The following UNC45B variants were observed in gnomAD, a reference collection of about 807,000 sequenced individuals.
UNC45B encodes unc-45 myosin chaperone B, also known as protein unc-45 homolog B.
In UNC45B, 78 loss-of-function variants were observed where a neutral mutation model predicts 98.7. The observed-to-expected ratio is 0.79, with a 90% CI of 0.66 to 0.95. The LOEUF (loss-of-function observed/expected upper bound fraction) is 0.95, where lower values mean the gene tolerates loss of function less well. Ranked by LOEUF, UNC45B falls within the 40% of genes least tolerant of loss-of-function variation. The pLI, the probability that UNC45B is intolerant of heterozygous loss-of-function variation, is 0.00. For synonymous variants in UNC45B, 462 were observed against 480.4 expected, an observed-to-expected ratio of 0.96 and a Z score of 0.50; for missense variants, 1,225 against 1,184.9, an observed-to-expected ratio of 1.03 and a Z score of -0.50.
intron 18 of UNC45B, among the ~76,000 whole-genome samples, chr17:35,182,126 G>A (rs1334705544): frequency 3.4e-5 from 5 of 149,102 alleles, no homozygotes; most frequent in Non-Finnish European, 7.4e-5. Context: ...GTCTGGCTCT[G>A]TCACCCAGGG....
chr17:35,153,621 C>A (rs2092036895), intron 5 of UNC45B, among the ~76,000 whole-genome samples: 2 of 151,188 alleles, frequency 1.3e-5, no homozygotes, highest in Non-Finnish European at 2.9e-5. Context: ...ATAAACTAGG[C>A]AAATATCTTT....
chr17:35,159,915 A>G (rs1352869874), intron 8 of UNC45B, among the ~76,000 whole-genome samples: 1 of 152,228 alleles, frequency 6.6e-6, no homozygotes, highest in Non-Finnish European at 1.5e-5. Context: ...AGTTTATATA[A>G]AGCACAGTGA....
chr17:35,171,189 C>A, intron 12 of UNC45B, 133 bp from the exon 13 acceptor site: 2 of 1,153,786 alleles, frequency 1.7e-6, no homozygotes, highest in Non-Finnish European at 2.5e-6. Context: ...TGCTGTCTTT[C>A]CTCAGAATGG....
chr17:35,154,271 G>A (rs1342841216), intron 5 of UNC45B, among the ~76,000 whole-genome samples: 1 of 152,126 alleles, frequency 6.6e-6, no homozygotes. Context: ...AAGTGCAATT[G>A]GAGTAAACAT....
At chr17:35,175,087 G>GAAAGAAAGAAAGAAAGAAAGAGAA (rs746415209) in intron 14 of UNC45B, among the ~76,000 whole-genome samples, 1 of 93,822 alleles carries the variant, frequency 1.1e-5, no homozygotes, top group African/African-American at 5.4e-5. Flanking sequence ...AAGAAAGAAA[G>GAAAGAAAGAAAGAAAGAAAGAGAA]AGAAAGAAAG....
intron 9 of UNC45B, among the ~76,000 whole-genome samples, chr17:35,166,728 C>T (rs2092144124): frequency 6.6e-6 from 1 of 152,168 alleles, no homozygotes; most frequent in Non-Finnish European, 1.5e-5. Context: ...ATGGGATGCT[C>T]AAGCTGGAGG....
rs770579051 is a variant in UNC45B, at chr17:35,148,382, C to A, written c.119C>A (p.Ala40Asp). Reference sequence around the variant, plus strand: ...GCCCTGAAGCTGACCAAGGACAAGGCCCTGCTGGCCACGCTTTATCGGAAC... The same window carrying A: ...GCCCTGAAGCTGACCAAGGACAAGGACCTGCTGGCCACGCTTTATCGGAAC... Reference protein sequence around the residue: ...SQALKLTKDKALLATLYRNRA... With the variant: ...SQALKLTKDKDLLATLYRNRA... The change falls in exon 2 of 20, where the codon GCC becomes GAC. Residue 40 changes from alanine to aspartate, a missense_variant. Transcript: ENST00000394570. The A allele has an allele frequency of 1.2e-5, 19 of 1,614,092 alleles. No homozygotes were observed. The South Asian group carries it at 1.3e-4, about 11-fold the overall frequency.
chr17:35,168,921 G>T (rs1467780923), intron 10 of UNC45B, among the ~76,000 whole-genome samples: 2 of 152,286 alleles, frequency 1.3e-5, no homozygotes, highest in East Asian at 3.9e-4. Context: ...TGGCCAGGCT[G>T]GTCCTGAACT....
At chr17:35,167,931 AT>A in intron 9 of UNC45B, 129 bp from the exon 10 acceptor site, 1 of 799,242 alleles carries the variant, frequency 1.3e-6, no homozygotes, top group African/African-American at 1.8e-5. Flanking sequence ...GGTTCGCTGA[AT>A]TGCCCAATAT....
intron 17 of UNC45B, among the ~76,000 whole-genome samples, chr17:35,179,537 G>A (rs2092259436): frequency 6.6e-6 from 1 of 152,190 alleles, no homozygotes; most frequent in Admixed American, 6.5e-5. Flanking sequence ...TTAAGAAAAT[G>A]TGACACATAT....
intron 18 of UNC45B, among the ~76,000 whole-genome samples, chr17:35,182,970 C>T (rs1349136058): frequency 2.0e-5 from 3 of 151,968 alleles, no homozygotes; most frequent in Admixed American, 1.3e-4. Flanking sequence ...CTGGTGGAGA[C>T]GGCACTGTAG....
At chr17:35,154,996 C>A (rs2092048295) in intron 6 of UNC45B, among the ~76,000 whole-genome samples, 1 of 152,244 alleles carries the variant, frequency 6.6e-6, no homozygotes, top group Non-Finnish European at 1.5e-5. Context: ...TCTTTGAAAC[C>A]CAGTGTGTAT....
rs777543676 is a variant in UNC45B at position 35,183,452 on chromosome 17, G to A, written c.2399G>A (p.Gly800Glu). The A allele has an allele frequency of 5.1e-5, 82 of 1,596,860 alleles. No individual in the cohort carries two copies. Among genetic ancestry groups the A allele is most frequent in the Non-Finnish European group, 6.2e-5 (73 of 1,171,442 alleles). Reference sequence around the variant, plus strand: ...GTACAGGAAAGGTTCTTGGCTGACGGGAATGACCGGCTGAAGCTGGTGGTG... The same window carrying A: ...GTACAGGAAAGGTTCTTGGCTGACGAGAATGACCGGCTGAAGCTGGTGGTG... ...KEVQERFLAD[G>E]NDRLKLVVLL... The change falls in exon 19 of 20, where the codon GGG becomes GAG. Residue 800 changes from glycine to glutamate, a missense_variant. Physicochemically the swap from Gly to Glu is moderately conservative, Grantham distance 98. Transcript: ENST00000394570.
chr17:35,155,632 G>A (rs2092055124), intron 7 of UNC45B, among the ~76,000 whole-genome samples, 168 bp downstream of exon 7: 1 of 152,176 alleles, frequency 6.6e-6, no homozygotes, highest in South Asian at 2.1e-4. Context: ...CTGGAGTGCA[G>A]TAGCGCGATC....
chr17:35,182,441 G>T (rs571984193), intron 18 of UNC45B, among the ~76,000 whole-genome samples: 81 of 151,546 alleles, frequency 5.3e-4, no homozygotes, highest in African/African-American at 1.9e-3. Context: ...TGATCATCAA[G>T]AACTGTCTTC....
intron 14 of UNC45B, 142 bp downstream of exon 14, chr17:35,174,511 G>A (rs902912521): frequency 7.9e-7 from 1 of 1,266,476 alleles, no homozygotes; most frequent in South Asian, 1.5e-5. Flanking sequence ...AAAGGTCTGA[G>A]GGGATCAGCT....
At chr17:35,184,708 T>A (rs1461301912) in intron 19 of UNC45B, among the ~76,000 whole-genome samples, 1 of 151,766 alleles carries the variant, frequency 6.6e-6, no homozygotes, top group Non-Finnish European at 1.5e-5. Context: ...ACGCAGGCTG[T>A]TAGTTGGGAA....
At chr17:35,153,051 G>A (rs557393572) in intron 5 of UNC45B, 69 bp downstream of exon 5, 6 of 1,357,686 alleles carry the variant, frequency 4.4e-6, no homozygotes, top group Non-Finnish European at 6.2e-6. Flanking sequence ...ATCATTCCGA[G>A]GGGGAAGGGG....
chr17:35,181,158 A>G (rs1047827911), intron 18 of UNC45B, among the ~76,000 whole-genome samples: 30 of 152,236 alleles, frequency 2.0e-4, no homozygotes, highest in African/African-American at 7.0e-4. Flanking sequence ...ATTGCAATGC[A>G]ATATAACTGT....
Sources: allele counts gnomAD v4.1 joint callset (sites outside exome capture counted in the v4.1 genomes callset), GRCh38; gene constraint gnomAD v4.1.1; transcripts MANE v1.5; gene names NCBI Gene and HGNC (gene_info 2026-07-23, HGNC 2026-07-21).